The following FOXN3 variants were observed in gnomAD, a reference collection of about 807,000 sequenced individuals.
FOXN3 encodes the protein forkhead box protein N3.
FOXN3 carries 7 observed loss-of-function variants against 38.4 expected under a neutral mutation model. The observed-to-expected ratio is 0.18, with a 90% CI of 0.10 to 0.34. The LOEUF is 0.34. Among genes scored for constraint, FOXN3 ranks in the 10% least tolerant of loss-of-function variants. The pLI is 1.00. For synonymous variants in FOXN3, 230 were observed against 242.2 expected (o/e 0.95, Z 0.47); for missense variants, 456 against 613.4 (o/e 0.74, Z 2.71).
intron 1 of FOXN3, among the ~76,000 whole-genome samples, chr14:89,474,307 A>G (rs971859470): frequency 3.3e-5 from 5 of 152,230 alleles, no homozygotes; most frequent in Admixed American, 3.3e-4. Context: ...GGAAAAAGAC[A>G]TGACCAACCA....
intron 1 of FOXN3, among the ~76,000 whole-genome samples, chr14:89,498,126 T>C (rs997085661): frequency 7.1e-6 from 1 of 140,112 alleles, no homozygotes; most frequent in African/African-American, 2.7e-5. Context: ...GTTCTCTAGG[T>C]ATTCTGGATA....
chr14:89,273,970 T>A (rs1355698971), intron 4 of FOXN3, among the ~76,000 whole-genome samples: 1 of 152,202 alleles, frequency 6.6e-6, no homozygotes, highest in Non-Finnish European at 1.5e-5. Context: ...TTTTTTTTAA[T>A]GTGTATGCCT....
intron 2 of FOXN3, chr14:89,356,222 A>AC (rs1889218325): frequency 6.6e-6 from 1 of 151,670 alleles, no homozygotes; most frequent in Non-Finnish European, 1.5e-5. Flanking sequence ...ACATGATAAA[A>AC]CCCCATCTCT....
intron 4 of FOXN3, among the ~76,000 whole-genome samples, chr14:89,237,427 G>T (rs1885012315): frequency 6.6e-6 from 1 of 152,228 alleles, no homozygotes; most frequent in East Asian, 1.9e-4. Flanking sequence ...TAGTTTAGCG[G>T]TTTGTTAAAA....
At chr14:89,519,588 T>C (rs1309319439) in intron 1 of FOXN3, among the ~76,000 whole-genome samples, 3 of 152,018 alleles carry the variant, frequency 2.0e-5, no homozygotes, top group African/African-American at 7.3e-5. Context: ...GAAGGTCAGA[T>C]GTGAAGGGAC....
chr14:89,444,007 CAA>C (rs569571116), intron 1 of FOXN3, among the ~76,000 whole-genome samples: 13 of 67,634 alleles, frequency 1.9e-4, no homozygotes, highest in African/African-American at 7.5e-4. Flanking sequence ...GAAACTCTGT[CAA>C]AAAAAAAAAA....
intron 1 of FOXN3, among the ~76,000 whole-genome samples, chr14:89,447,222 T>C (rs1892521268): frequency 1.4e-5 from 2 of 148,066 alleles, no homozygotes; most frequent in Admixed American, 6.7e-5. Context: ...AAAAAACGAA[T>C]TCCTAAAAGC....
At chr14:89,343,557 T>G (rs1326150662) in intron 3 of FOXN3, among the ~76,000 whole-genome samples, 1 of 149,824 alleles carries the variant, frequency 6.7e-6, no homozygotes, top group Non-Finnish European at 1.5e-5. Flanking sequence ...AGCACTAAAA[T>G]CTGCCATTTT....
chr14:89,572,236 C>T (rs1895510981), intron 1 of FOXN3, among the ~76,000 whole-genome samples: 1 of 152,128 alleles, frequency 6.6e-6, no homozygotes, highest in South Asian at 2.1e-4. Flanking sequence ...GATTTTAAAT[C>T]AAGTCAAAGG....
intron 5 of FOXN3, among the ~76,000 whole-genome samples, chr14:89,168,085 T>C (rs1887287981): frequency 6.6e-6 from 1 of 151,456 alleles, no homozygotes; most frequent in Non-Finnish European, 1.5e-5. Context: ...AGAACATGGG[T>C]TCATAATAAA....
intron 4 of FOXN3, among the ~76,000 whole-genome samples, chr14:89,221,292 T>C (rs754498210): frequency 3.3e-5 from 5 of 152,228 alleles, no homozygotes; most frequent in African/African-American, 7.2e-5. Context: ...TCTATTGCTA[T>C]GACAACCAAT....
At chr14:89,245,938 G>A (rs1462448565) in intron 4 of FOXN3, among the ~76,000 whole-genome samples, 1 of 152,110 alleles carries the variant, frequency 6.6e-6, no homozygotes, top group East Asian at 1.9e-4. Context: ...TCAGAGTGCT[G>A]AGAATCATTG....
At chr14:89,588,570 G>A (rs1050022889) in intron 1 of FOXN3, among the ~76,000 whole-genome samples, 1 of 152,136 alleles carries the variant, frequency 6.6e-6, no homozygotes, top group Non-Finnish European at 1.5e-5. Context: ...CTAATGGCCA[G>A]GTTAAATTCA....
At chr14:89,170,029 AAAGT>A (rs752362841) in intron 5 of FOXN3, among the ~76,000 whole-genome samples, 20 of 152,236 alleles carry the variant, frequency 1.3e-4, no homozygotes, top group South Asian at 2.1e-4. Flanking sequence ...AAACAGGTTA[AAAGT>A]AAGACTGGAA....
intron 1 of FOXN3, among the ~76,000 whole-genome samples, chr14:89,501,615 A>T (rs2139790047): frequency 6.6e-6 from 1 of 152,346 alleles, no homozygotes; most frequent in Middle Eastern, 3.4e-3. Flanking sequence ...ATCAGCCAGA[A>T]GTTAAGTCAT....
intron 3 of FOXN3, among the ~76,000 whole-genome samples, chr14:89,288,212 T>C (rs1170005397): frequency 6.6e-6 from 1 of 152,084 alleles, no homozygotes; most frequent in Non-Finnish European, 1.5e-5. Flanking sequence ...ATGACTGAAG[T>C]GATCAGACCA....
chr14:89,396,082 G>C (rs1891091681), intron 2 of FOXN3, among the ~76,000 whole-genome samples: 1 of 152,152 alleles, frequency 6.6e-6, no homozygotes, highest in South Asian at 2.1e-4. Context: ...CTCATTCGAA[G>C]GCTAAAATTC....
intron 3 of FOXN3, among the ~76,000 whole-genome samples, chr14:89,322,910 C>G (rs1887935842): frequency 6.6e-6 from 1 of 152,148 alleles, no homozygotes; most frequent in Non-Finnish European, 1.5e-5. Flanking sequence ...AGTCCCCGCT[C>G]TCAAGGAATT....
chr14:89,167,142 A>C (rs1385016566), intron 5 of FOXN3, among the ~76,000 whole-genome samples: 2 of 152,252 alleles, frequency 1.3e-5, no homozygotes, highest in Non-Finnish European at 2.9e-5. Context: ...CGTGCTATTC[A>C]TCTCAGATAA....
Sources: gnomAD v4.1 joint callset for allele counts (sites outside exome capture counted in the v4.1 genomes callset) on GRCh38, gnomAD v4.1.1 for gene constraint, MANE v1.5 for transcripts, NCBI Gene and HGNC (gene_info 2026-07-23, HGNC 2026-07-21) for gene names.